The following MAP3K11 variants were observed in gnomAD, a reference collection of about 807,000 sequenced individuals.
MAP3K11 encodes the protein mitogen-activated protein kinase kinase kinase 11.
MAP3K11 carries 46 observed loss-of-function variants against 84.9 expected under a neutral mutation model. The observed-to-expected ratio is 0.54, with a 90% CI of 0.43 to 0.69. The LOEUF is 0.69. Among genes scored for constraint, MAP3K11 ranks in the 30% least tolerant of loss-of-function variants. MAP3K11 has a pLI of 0.00. For synonymous variants in MAP3K11, 527 were observed against 514.7 expected (o/e 1.02, Z -0.32); for missense variants, 1,053 against 1,198.3 (o/e 0.88, Z 1.79).
Position 65,608,279 on chromosome 11 carries a change from A to G in MAP3K11, c.909T>C (p.Ser303=). Residue 303 remains serine, a synonymous_variant, in exon 2 of 10, where the codon AGT becomes AGC. Transcript: ENST00000309100. ...ACCAAGGGCCGCACCTCCAGACGTC[A>G]CTGCCCTTAGAGAAGGTGGAGGCCT... ...VIKASTFSKG[S]DVWSFGVLLW... The G allele has an allele frequency of 6.2e-7, 1 of 1,613,940 alleles. No individual in the cohort carries two copies. Among genetic ancestry groups the G allele is most frequent in the Non-Finnish European group, 8.5e-7 (1 of 1,179,810 alleles).
chr11:65,613,457 C>T lies in MAP3K11; in HGVS notation c.300G>A (p.Val100=), dbSNP rs1320240742. 1 of 1,612,334 alleles carries T rather than the reference C, an allele frequency of 6.2e-7. No individual in the cohort carries two copies. Among genetic ancestry groups the T allele is most frequent in the Non-Finnish European group, 8.5e-7 (1 of 1,179,474 alleles). The change falls in exon 1 of 10, where the codon GTG becomes GTA. Residue 100 remains valine, a synonymous_variant. Coordinates refer to ENST00000309100, the MANE Select transcript of MAP3K11 (RefSeq NM_002419.4). The stretch of plus-strand genomic sequence containing the variant: ...AGGGGGGCGGGCCGCCACCCCGAGA[C>T]ACATAGTTGGACGGGAAGATGCCCA... The part of the protein sequence containing the change: ...GQVGIFPSNY[V]SRGGGPPPCE...
At chr11:65,604,246 C>A (rs1009886131) in intron 8 of MAP3K11, among the ~76,000 whole-genome samples, 1 of 152,226 alleles carries the variant, frequency 6.6e-6, no homozygotes, top group African/African-American at 2.4e-5. Flanking sequence ...GGCCCAGGCC[C>A]CTTGTGCCCC....
chr11:65,601,592 T>C (rs1222626894), intron 8 of MAP3K11, among the ~76,000 whole-genome samples: 2 of 150,904 alleles, frequency 1.3e-5, no homozygotes, highest in African/African-American at 2.4e-5. Flanking sequence ...CTGTCTCTAC[T>C]AAAAACACAA....
At chr11:65,599,902 C>T in intron 8 of MAP3K11, 134 bp from the exon 9 acceptor site, 1 of 933,308 alleles carries the variant, frequency 1.1e-6, no homozygotes, top group Non-Finnish European at 1.6e-6. Context: ...CCACAGGTCC[C>T]ATGGCCTCCC....
At chr11:65,607,840 G>A (rs1854530214) in intron 3 of MAP3K11, 24 bp from the exon 4 acceptor site, 1 of 1,607,526 alleles carries the variant, frequency 6.2e-7, no homozygotes, top group Non-Finnish European at 8.5e-7. Context: ...GTGCAGCGGG[G>A]ACAGAATAAG....
At chr11:65,608,893 G>A (rs1854542596) in intron 1 of MAP3K11, 1 of 165,248 alleles carries the variant, frequency 6.1e-6, no homozygotes. Flanking sequence ...TGGGATTACA[G>A]GCCACTGCAC....
chr11:65,604,125 G>T (rs1448372448), intron 8 of MAP3K11, among the ~76,000 whole-genome samples: 1 of 152,242 alleles, frequency 6.6e-6, no homozygotes, highest in Non-Finnish European at 1.5e-5. Flanking sequence ...TTAGAAGTTT[G>T]TCACTGATCT....
chr11:65,606,973 G>A (rs1565144379), intron 5 of MAP3K11, 169 bp from the exon 6 acceptor site: 4 of 584,488 alleles, frequency 6.8e-6, no homozygotes, highest in Middle Eastern at 8.7e-4. Context: ...TCTGGATAAG[G>A]AAAGCTACTC....
At position 65,599,458 on chromosome 11, in the gene MAP3K11, C is replaced by A; in HGVS notation, c.2142G>T (p.Leu714=). ...GCTGGCCCACAGGGATACCCAGGTC[C>A]AGCAACAGGGGTGCAGGAGTGGGCG... ...DSPPTPAPLL[L]DLGIPVGQRS... Residue 714 remains leucine, a synonymous_variant, in exon 9 of 10, where the codon CTG becomes CTT. Transcript: ENST00000309100. 6.6e-7 allele frequency: 1 copy of A among 1,517,802 alleles called. No homozygotes were observed. The highest frequency in any genetic ancestry group is 1.5e-5 in the African/African-American group (1 of 67,964). The allele number at this position is 1,517,802 out of a possible 1,614,324, so 94.0% of individuals were successfully genotyped here.
Position 65,605,745 on chromosome 11 carries a change from G to T in MAP3K11, c.1831+16C>A, listed in dbSNP as rs765227651. 4.4e-6 allele frequency: 7 copies of T among 1,585,456 alleles called. No homozygotes were observed. Among genetic ancestry groups the T allele is most frequent in the Non-Finnish European group, 1.7e-6 (2 of 1,163,534 alleles). Reference sequence around the variant, plus strand: ...GGAGCTCAGCCAGATCCTGCCGGGGGAGGAAGGCCACTCACCATTGAGTGC... The same window carrying T: ...GGAGCTCAGCCAGATCCTGCCGGGGTAGGAAGGCCACTCACCATTGAGTGC... On this transcript the variant is annotated intron_variant, in intron 8 of 9. Transcript: ENST00000309100.
intron 8 of MAP3K11, among the ~76,000 whole-genome samples, chr11:65,605,378 C>T (rs1213995602): frequency 6.6e-6 from 1 of 152,216 alleles, no homozygotes; most frequent in East Asian, 1.9e-4. Flanking sequence ...AGGCTGATTC[C>T]TTCCCCCATC....
chr11:65,608,500 A>G (rs773602183), intron 1 of MAP3K11, 52 bp from the exon 2 acceptor site: 27 of 1,580,442 alleles, frequency 1.7e-5, no homozygotes, highest in Admixed American at 1.7e-4. Context: ...TGGTGGGGAC[A>G]GGGTAAGAGC....
Position 65,608,330 on chromosome 11 carries a change from G to A in MAP3K11, c.858C>T (p.Tyr286=), listed in dbSNP as rs61736581. The part of the protein sequence containing the change: ...KTTQMSAAGT[Y]AWMAPEVIKA... ...TGATAACCTCAGGAGCCATCCAGGC[G>A]TAGGTGCCCGCGGCACTCATTTGTG... Residue 286 remains tyrosine (Y), a synonymous_variant, in exon 2 of 10, where the codon TAC becomes TAT. Transcript: ENST00000309100. The A allele has an allele frequency of 6.3e-5, 101 of 1,614,104 alleles. No homozygotes were observed. In the African/African-American group the frequency reaches 7.6e-4, roughly 12 times the overall value.
chr11:65,600,360 G>A (rs1221253377), intron 8 of MAP3K11, among the ~76,000 whole-genome samples: 1 of 152,228 alleles, frequency 6.6e-6, no homozygotes, highest in East Asian at 1.9e-4. Context: ...AATTTACAGA[G>A]TATGTATTTG....
chr11:65,605,456 T>C (rs1007688846), intron 8 of MAP3K11: 1 of 252,400 alleles, frequency 4.0e-6, no homozygotes, highest in Non-Finnish European at 7.5e-6. Flanking sequence ...CCCTGGAGCC[T>C]GCTAAAGGCA....
At chr11:65,606,114 C>T in intron 6 of MAP3K11, 33 bp from the exon 7 acceptor site, 1 of 1,545,004 alleles carries the variant, frequency 6.5e-7, no homozygotes, top group Non-Finnish European at 8.7e-7. Context: ...CGGAGATAAT[C>T]TTTATTCTCC....
chr11:65,609,117 G>T (rs1854544661), intron 1 of MAP3K11: 1 of 152,326 alleles, frequency 6.6e-6, no homozygotes, highest in Non-Finnish European at 1.5e-5. Context: ...AGCAAAACTG[G>T]CAAGGTGGCA....
intron 4 of MAP3K11, 57 bp downstream of exon 4, chr11:65,607,583 GC>G (rs1463070099): frequency 2.6e-6 from 4 of 1,565,388 alleles, no homozygotes; most frequent in Non-Finnish European, 2.6e-6. Context: ...CCCCGACTCT[GC>G]CCCAGGGAGA....
In MAP3K11 at chr11:65,598,299, C is replaced by A; in HGVS notation, c.2536G>T (p.Gly846Trp). The stretch of plus-strand genomic sequence containing the variant: ...GGAGTGGCCTGGCCCACTCAAGGCC[C>A]CGCTTCCGGCACCCACGGGGCCTGG... ...GAQAPWVPEA[G>W]P Residue 846 changes from glycine to tryptophan, a missense_variant, in exon 10 of 10, where the codon GGG becomes TGG. By Grantham distance (184) the Gly-to-Trp change is radical. Transcript: ENST00000309100. The A allele has an allele frequency of 6.8e-7, 1 of 1,468,294 alleles. No homozygotes were observed. Among genetic ancestry groups the A allele is most frequent in the Non-Finnish European group, 9.0e-7 (1 of 1,108,988 alleles). The allele number at this position is 1,468,294 out of a possible 1,614,324, so 91.0% of individuals were successfully genotyped here.
Sources: allele counts gnomAD v4.1 joint callset (sites outside exome capture counted in the v4.1 genomes callset), GRCh38; gene constraint gnomAD v4.1.1; transcripts MANE v1.5; gene names NCBI Gene and HGNC (gene_info 2026-07-23, HGNC 2026-07-21).